The following ARHGEF4 variants were observed in gnomAD, a reference collection of about 807,000 sequenced individuals.
The protein encoded by ARHGEF4 is Rho guanine nucleotide exchange factor 4.
ARHGEF4 carries 119 observed loss-of-function variants against 162.0 expected under a neutral mutation model. The observed-to-expected ratio is 0.73, with a 90% CI of 0.63 to 0.86. The LOEUF (loss-of-function observed/expected upper bound fraction) is 0.86. Ranked by LOEUF, ARHGEF4 falls within the 40% of genes least tolerant of loss-of-function variation. The pLI is 0.00. For missense variants in ARHGEF4, 2,488 were observed against 2,456.0 expected (o/e 1.01, Z -0.28); for synonymous variants, 1,014 against 979.9 (o/e 1.03, Z -0.65).
rs558321362 is a variant in ARHGEF4, at chr2:130,994,029, C to T, written c.3986-33916C>T. On this transcript the variant is annotated intron_variant, in intron 4 of 13. Transcript: ENST00000409359. ...TCGTGACCTCAGGTGATCCACCTGCCTCTGGCTCCCAAAGTGCTGGGATAC... is the reference window on the plus strand; with the variant it reads ...TCGTGACCTCAGGTGATCCACCTGCTTCTGGCTCCCAAAGTGCTGGGATAC... Among the ~76,000 whole-genome samples the T allele has an allele frequency of 5.3e-5, 8 of 152,320 alleles. No individual in the cohort carries two copies. The East Asian group carries it at 1.3e-3, about 26-fold the overall frequency.
At chr2:131,009,582 GTC>G (rs1222559390) in intron 4 of ARHGEF4, among the ~76,000 whole-genome samples, 3 of 151,744 alleles carry the variant, frequency 2.0e-5, no homozygotes, top group African/African-American at 7.3e-5. Flanking sequence ...ATTTCTATTC[GTC>G]TGTCTTCAAG....
rs200633303 is a variant in ARHGEF4 at position 130,958,397 on chromosome 2, C to CT, written c.3985+11773dup. On this transcript the variant is annotated intron_variant, in intron 4 of 13. Coordinates refer to ENST00000409359, the MANE Select transcript of ARHGEF4 (RefSeq NM_001367493.1). ...TGTTTCTTTTTTTTTGAGATGGAGT[C>CT]TTTTTTTTTTTGCTGGGGAGGCGGT... Among the ~76,000 whole-genome samples the CT allele has an allele frequency of 2.7e-3, 395 of 145,372 alleles. 3 individuals are homozygous for CT. Among genetic ancestry groups the CT allele is most frequent in the African/African-American group, 8.3e-3 (328 of 39,722 alleles).
chr2:131,012,635 C>T (rs187938408), intron 4 of ARHGEF4, among the ~76,000 whole-genome samples: 2 of 152,180 alleles, frequency 1.3e-5, no homozygotes, highest in East Asian at 1.9e-4. Context: ...GGCTGAAGTG[C>T]AGTGGTGTAA....
In ARHGEF4 at chr2:131,041,312, G is replaced by A; in HGVS notation, c.4745G>A (p.Ser1582Asn). 1 of 1,613,878 alleles carries A rather than the reference G, an allele frequency of 6.2e-7. No homozygotes were observed. Among genetic ancestry groups the A allele is most frequent in the East Asian group, 2.2e-5 (1 of 44,872 alleles). Residue 1582 changes from serine to asparagine, a missense_variant, in exon 9 of 14, where the codon AGC (serine) becomes AAC (asparagine). Physicochemically the swap from Ser to Asn is conservative, Grantham distance 46. Coordinates refer to ENST00000409359, the MANE Select transcript of ARHGEF4 (RefSeq NM_001367493.1). ...GAGCTCTCCCGGCTCACCAAGCTCA[G>A]CAAGTACGTGTACTTCTTCGAGGCC... Reference protein sequence around the residue: ...CVELSRLTKLSKYVYFFEACR... With the variant: ...CVELSRLTKLNKYVYFFEACR...
intron 1 of ARHGEF4, among the ~76,000 whole-genome samples, chr2:130,853,466 G>A (rs1005133668): frequency 1.3e-5 from 2 of 152,166 alleles, no homozygotes; most frequent in African/African-American, 4.8e-5. Flanking sequence ...CCTCAATCAT[G>A]TGCTACTCTG....
intron 2 of ARHGEF4, among the ~76,000 whole-genome samples, chr2:130,928,252 G>T (rs1378206774): frequency 6.6e-6 from 1 of 152,170 alleles, no homozygotes; most frequent in Non-Finnish European, 1.5e-5. Context: ...ATGTTTAGAG[G>T]TCTCTTCTCT....
At chr2:130,969,911 C>T (rs1573482086) in intron 4 of ARHGEF4, among the ~76,000 whole-genome samples, 1 of 152,120 alleles carries the variant, frequency 6.6e-6, no homozygotes, top group African/African-American at 2.4e-5. Context: ...TGACTGGCTT[C>T]TTTAACCTCA....
At chr2:130,985,543 T>C (rs1176875527) in intron 4 of ARHGEF4, among the ~76,000 whole-genome samples, 2 of 150,464 alleles carry the variant, frequency 1.3e-5, no homozygotes, top group African/African-American at 2.5e-5. Flanking sequence ...AAACAGGAAC[T>C]AGGGAGGGGC....
chr2:131,044,495 A>C lies in ARHGEF4; in HGVS notation c.5354A>C (p.Lys1785Thr), dbSNP rs1204961098. ...RKPEQKQRWL[K>T]AFAREREQVQ... The stretch of plus-strand genomic sequence containing the variant: ...CCCGAGCAGAAGCAGCGCTGGCTCA[A>C]GGCCTTTGCCAGGGAGAGGGAGCAG... The change falls in exon 12 of 14, where the codon AAG (lysine) becomes ACG (threonine). Residue 1785 changes from lysine (K) to threonine (T), a missense_variant. Lys to Thr is a moderately conservative substitution (Grantham distance 78, BLOSUM62 -1). This residue lies in a region of ARHGEF4 where 415 missense variants were observed against 512.4 expected (regional missense o/e 0.81). Transcript: ENST00000409359. The C allele has an allele frequency of 7.3e-5, 114 of 1,552,066 alleles. No homozygotes were observed. The highest frequency in any genetic ancestry group is 9.7e-5 in the Non-Finnish European group (111 of 1,147,648).
At chr2:131,003,314 T>C (rs1687903425) in intron 4 of ARHGEF4, among the ~76,000 whole-genome samples, 1 of 152,230 alleles carries the variant, frequency 6.6e-6, no homozygotes, top group Non-Finnish European at 1.5e-5. Context: ...TTCCACACTG[T>C]TTCTGTATGA....
At chr2:131,014,565 A>G (rs980288057) in intron 4 of ARHGEF4, among the ~76,000 whole-genome samples, 1 of 152,204 alleles carries the variant, frequency 6.6e-6, no homozygotes, top group Non-Finnish European at 1.5e-5. Flanking sequence ...GTCTCTCCAT[A>G]TTTAGATCCT....
At chr2:130,900,046 T>C (rs928632834) in intron 1 of ARHGEF4, among the ~76,000 whole-genome samples, 1 of 152,226 alleles carries the variant, frequency 6.6e-6, no homozygotes, top group African/African-American at 2.4e-5. Context: ...TGTTTTTCTG[T>C]TGTTGATTTC....
chr2:130,836,976 T>A lies in ARHGEF4; in HGVS notation c.23T>A (p.Leu8His). The change falls in exon 1 of 14, where the codon CTC becomes CAC. Residue 8 changes from leucine (L) to histidine (H), a missense_variant. This residue lies in a region of ARHGEF4 where 171 missense variants were observed against 169.4 expected (regional missense o/e 1.01). Coordinates refer to ENST00000409359, the MANE Select transcript of ARHGEF4 (RefSeq NM_001367493.1). ...ACCATGCTCAGCGTCGTGCACTTCC[T>A]CCGGAGCTTCTTCAAGGTGAGAGCC... The part of the protein sequence containing the change: MLSVVHF[L>H]RSFFKTPEPG... The A allele has an allele frequency of 8.2e-7, 1 of 1,226,764 alleles. No individual in the cohort carries two copies. The highest frequency in any genetic ancestry group is 4.3e-5 in the Admixed American group (1 of 23,506). 76.0% of individuals were successfully genotyped at this position (1,226,764 alleles called of 1,614,324 possible). A position where few individuals can be genotyped will look rare whatever the true frequency, so the allele number is the denominator to read the frequency against.
At chr2:130,842,527 G>A (rs543209661) in intron 1 of ARHGEF4, among the ~76,000 whole-genome samples, 16 of 152,162 alleles carry the variant, frequency 1.1e-4, no homozygotes, top group Admixed American at 7.2e-4. Context: ...AGTAGCAAGC[G>A]CACCCGGCAG....
chr2:131,032,693 T>A (rs1031172529), intron 5 of ARHGEF4, among the ~76,000 whole-genome samples: 1 of 151,560 alleles, frequency 6.6e-6, no homozygotes, highest in Non-Finnish European at 1.5e-5. Context: ...TCACCCCTCA[T>A]CTGCCCCAGA....
chr2:131,038,172 C>T (rs930126609), intron 5 of ARHGEF4, among the ~76,000 whole-genome samples: 2 of 152,186 alleles, frequency 1.3e-5, no homozygotes, highest in African/African-American at 4.8e-5. Flanking sequence ...GGTGGCTGAC[C>T]TTACAGGCAA....
chr2:131,016,832 A>G (rs758063697), intron 4 of ARHGEF4, among the ~76,000 whole-genome samples: 1 of 152,228 alleles, frequency 6.6e-6, no homozygotes, highest in African/African-American at 2.4e-5. Flanking sequence ...GCAGGGCAGT[A>G]GGTCAGCATG....
At chr2:130,878,171 G>A (rs1678977740) in intron 1 of ARHGEF4, among the ~76,000 whole-genome samples, 1 of 152,160 alleles carries the variant, frequency 6.6e-6, no homozygotes, top group African/African-American at 2.4e-5. Flanking sequence ...AGGCAGTATA[G>A]GGTCTCTGTC....
At chr2:130,993,037 T>G (rs561989398) in intron 4 of ARHGEF4, among the ~76,000 whole-genome samples, 1 of 152,312 alleles carries the variant, frequency 6.6e-6, no homozygotes, top group Admixed American at 6.5e-5. Flanking sequence ...TGAGCTGAGA[T>G]AGCGTCAGTG....
Sources: allele counts gnomAD v4.1 joint callset (sites outside exome capture counted in the v4.1 genomes callset), GRCh38; gene constraint gnomAD v4.1.1; regional missense constraint gnomAD v4.1.1; transcripts MANE v1.5; gene names NCBI Gene and HGNC (gene_info 2026-07-23, HGNC 2026-07-21).